ZNF285: variants seen among roughly 807,000 people sequenced by gnomAD.
ZNF285 encodes the protein zinc finger protein 285, also known as zinc finger protein 285A.
ZNF285 carries 4 observed loss-of-function variants against 6.2 expected under a neutral mutation model. The observed-to-expected ratio is 0.65, with a 90% CI of 0.32 to 1.49. ZNF285 has a LOEUF of 1.49. Among genes scored for constraint, ZNF285 ranks in the 40% most tolerant of loss-of-function variants. The pLI is 0.07. For missense variants in ZNF285, 695 were observed against 708.8 expected (o/e 0.98, Z 0.22); for synonymous variants, 240 against 245.8 (o/e 0.98, Z 0.22).
chr19:44,394,869 C>A (rs1159970992), intron 2 of ZNF285, among the ~76,000 whole-genome samples: 2 of 152,176 alleles, frequency 1.3e-5, no homozygotes, highest in African/African-American at 4.8e-5. Flanking sequence ...CTCAGTAACA[C>A]TACTGTATGC....
In ZNF285 at chr19:44,384,044, G is replaced by A. The variant is rs1971036046; in HGVS notation, c.*2428C>T. 1 of 152,142 alleles carries A rather than the reference G, an allele frequency of 6.6e-6. No homozygotes were observed. The highest frequency in any genetic ancestry group is 2.4e-5 in the African/African-American group (1 of 41,434). The allele number at this position is 152,142 out of a possible 1,614,324, so 9.4% of individuals were successfully genotyped here. A position where few individuals can be genotyped will look rare whatever the true frequency, so the allele number is the denominator to read the frequency against. ...GTTGCACCCATTCTAAACCCCAAAAGCTTCCTAGGATAATGTGTATCCCGG... is the reference window on the plus strand; with the variant it reads ...GTTGCACCCATTCTAAACCCCAAAAACTTCCTAGGATAATGTGTATCCCGG... On this transcript the variant is annotated 3_prime_UTR_variant, in exon 4 of 4. Coordinates refer to ENST00000614994, the MANE Select transcript of ZNF285 (RefSeq NM_152354.6).
At chr19:44,401,009 G>A (rs1401167495) in intron 1 of ZNF285, among the ~76,000 whole-genome samples, 1 of 152,028 alleles carries the variant, frequency 6.6e-6, no homozygotes, top group Non-Finnish European at 1.5e-5. Context: ...TGCCCCAATG[G>A]AGTCAGAGCT....
In ZNF285 at chr19:44,382,324, A is replaced by AGTCTTGCC. The variant is rs1971016762; in HGVS notation, c.*4140_*4147dup. On this transcript the variant is annotated 3_prime_UTR_variant, in exon 4 of 4. Transcript: ENST00000614994. ...TTTTTTTTTTTTTTTTTTGAGACAG[A>AGTCTTGCC]GTCTTGCCCTGTCGCCTGGGCTGGA... 8.4e-6 allele frequency: 1 copy of AGTCTTGCC among 119,210 alleles called. No homozygotes were observed. The highest frequency in any genetic ancestry group is 3.2e-5 in the African/African-American group (1 of 31,524). The allele number at this position is 119,210 out of a possible 1,614,324, so 7.4% of individuals were successfully genotyped here.
Position 44,384,188 on chromosome 19 carries a change from A to C in ZNF285, c.*2284T>G, listed in dbSNP as rs1366858372. ...ATTGTTGATGGAGCCATGTTATTCC[A>C]TTATATGGGATGCCCTAATTTACTC... On this transcript the variant is annotated 3_prime_UTR_variant, in exon 4 of 4. Transcript: ENST00000614994. The C allele has an allele frequency of 1.3e-5, 2 of 152,216 alleles. No homozygotes were observed. Among genetic ancestry groups the C allele is most frequent in the African/African-American group, 4.8e-5 (2 of 41,458 alleles). The allele number at this position is 152,216 out of a possible 1,614,324, so 9.4% of individuals were successfully genotyped here.
At chr19:44,394,584 TA>T in intron 2 of ZNF285, 3 of 572,532 alleles carry the variant, frequency 5.2e-6, no homozygotes, top group Non-Finnish European at 3.0e-6. Context: ...TTTAAAAAAT[TA>T]AAAAAACCAT....
At chr19:44,394,211 T>C (rs1044697711) in intron 2 of ZNF285, among the ~76,000 whole-genome samples, 2 of 150,956 alleles carry the variant, frequency 1.3e-5, no homozygotes, top group East Asian at 2.0e-4. Context: ...AATTGAACAA[T>C]GAGAATACAT....
Position 44,387,375 on chromosome 19 carries a change from G to A in ZNF285, c.870C>T (p.Phe290=), listed in dbSNP as rs1228033030. Reference sequence around the variant, plus strand: ...GTTTGCAGCCCATAGGCCATTCGTGGAATTCATAGGGAGTCTTGCCAGAGT... The same window carrying A: ...GTTTGCAGCCCATAGGCCATTCGTGAAATTCATAGGGAGTCTTGCCAGAGT... ...KTHSGKTPYE[F]HEWPMGCKQS... The change falls in exon 4 of 4, where the codon TTC becomes TTT. Residue 290 remains phenylalanine, a synonymous_variant. Coordinates refer to ENST00000614994, the MANE Select transcript of ZNF285 (RefSeq NM_152354.6). 3.1e-6 allele frequency: 5 copies of A among 1,614,016 alleles called. No individual in the cohort carries two copies. Among genetic ancestry groups the A allele is most frequent in the Non-Finnish European group, 4.2e-6 (5 of 1,180,030 alleles).
At chr19:44,388,158 T>C in intron 3 of ZNF285, 56 bp from the exon 4 acceptor site, 1 of 1,523,120 alleles carries the variant, frequency 6.6e-7, no homozygotes, top group Non-Finnish European at 8.9e-7. Context: ...CATCCAGAGG[T>C]TTTGAGAAAA....
rs374475307 is a variant in ZNF285 at position 44,396,815 on chromosome 19, T to G, written c.15+384A>C. 5.1e-3 allele frequency: 1,097 copies of G among 214,060 alleles called. 15 individuals are homozygous for G. Among genetic ancestry groups the G allele is most frequent in the African/African-American group, 0.023 (994 of 43,708 alleles). 13.3% of individuals were successfully genotyped at this position (214,060 alleles called of 1,614,324 possible). On this transcript the variant is annotated intron_variant, in intron 2 of 3. Coordinates refer to ENST00000614994, the MANE Select transcript of ZNF285 (RefSeq NM_152354.6). ...CATTCAAATCTTGCTACTTATTGAA[T>G]GAGGCCAGTCACATTTAGAGTATGG...
intron 2 of ZNF285, among the ~76,000 whole-genome samples, chr19:44,395,831 A>C (rs572332000): frequency 6.6e-6 from 1 of 152,224 alleles, no homozygotes; most frequent in African/African-American, 2.4e-5. Flanking sequence ...TCACATGTCC[A>C]CTTGCTCTCT....
intron 1 of ZNF285, among the ~76,000 whole-genome samples, chr19:44,399,986 G>C (rs1317988597): frequency 5.3e-5 from 8 of 150,664 alleles, no homozygotes; most frequent in African/African-American, 7.4e-5. Context: ...CCTGCAGAGA[G>C]AGAACTGGGG....
In ZNF285 at chr19:44,383,216, A is replaced by G. The variant is rs2123250887; in HGVS notation, c.*3256T>C. 6.6e-6 allele frequency: 1 copy of G among 152,312 alleles called. No homozygotes were observed. The highest frequency in any genetic ancestry group is 1.9e-4 in the East Asian group (1 of 5,190). The allele number at this position is 152,312 out of a possible 1,614,324, so 9.4% of individuals were successfully genotyped here. On this transcript the variant is annotated 3_prime_UTR_variant, in exon 4 of 4. Coordinates refer to ENST00000614994, the MANE Select transcript of ZNF285 (RefSeq NM_152354.6). ...AATAACATTATTCTCTAGCATAAAA[A>G]TAGTATCTTCCTTTTCCTTCCAATG...
chr19:44,387,218 G>T lies in ZNF285; in HGVS notation c.1027C>A (p.Pro343Thr). Residue 343 changes from proline to threonine, a missense_variant, in exon 4 of 4, where the codon CCC (proline) becomes ACC (threonine). Transcript: ENST00000614994. The part of the protein sequence containing the change: ...NHHRVHTGEM[P>T]YKCDECGKGF... ...TTCCCACATTCATCGCATTTGTAGGGCATCTCCCCTGTGTGGACTCGATGA... is the reference window on the plus strand; with the variant it reads ...TTCCCACATTCATCGCATTTGTAGGTCATCTCCCCTGTGTGGACTCGATGA... 1 of 1,614,148 alleles carries T rather than the reference G, an allele frequency of 6.2e-7. No homozygotes were observed. Among genetic ancestry groups the T allele is most frequent in the Non-Finnish European group, 8.5e-7 (1 of 1,180,020 alleles).
chr19:44,387,939 T>C lies in ZNF285; in HGVS notation c.306A>G (p.Leu102=), dbSNP rs1971124635. 1.2e-6 allele frequency: 2 copies of C among 1,614,146 alleles called. No individual in the cohort carries two copies. The highest frequency in any genetic ancestry group is 2.7e-5 in the African/African-American group (2 of 75,060). ...VNLQEECSPH[L]EDVSLSEEWA... is the part of the protein sequence containing the mutation. ...ACTCTTCACTGAGGGAAACATCTTC[T>C]AAATGTGGGGAACACTCTTCTTGAA... The change falls in exon 4 of 4, where the codon TTA becomes TTG. Residue 102 remains leucine (L), a synonymous_variant. Coordinates refer to ENST00000614994, the MANE Select transcript of ZNF285 (RefSeq NM_152354.6).
At chr19:44,390,598 G>A (rs1971176835) in intron 3 of ZNF285, among the ~76,000 whole-genome samples, 2 of 152,144 alleles carry the variant, frequency 1.3e-5, no homozygotes, top group South Asian at 4.1e-4. Context: ...TTGAGTTAAT[G>A]CTGAAATGAG....
chr19:44,396,674 C>T (rs2571136), intron 2 of ZNF285: 49,899 of 152,944 alleles, frequency 0.33, 11,564 homozygotes, highest in East Asian at 0.75. Context: ...CCTGTGGATT[C>T]TGGACTTGCC....
chr19:44,397,832 T>C (rs1163539228), intron 1 of ZNF285, among the ~76,000 whole-genome samples: 2 of 150,068 alleles, frequency 1.3e-5, no homozygotes, highest in Non-Finnish European at 2.9e-5. Flanking sequence ...GAGCTGTGAT[T>C]GCACCACTGC....
chr19:44,390,374 A>C (rs1001209464), intron 3 of ZNF285, among the ~76,000 whole-genome samples: 2 of 152,136 alleles, frequency 1.3e-5, no homozygotes, highest in Non-Finnish European at 2.9e-5. Context: ...ATCACTTTTG[A>C]CTTTTAAGAT....
Position 44,386,400 on chromosome 19 carries a change from G to T in ZNF285, c.*72C>A. The T allele has an allele frequency of 6.7e-7, 1 of 1,501,046 alleles. No homozygotes were observed. Among genetic ancestry groups the T allele is most frequent in the African/African-American group, 1.4e-5 (1 of 72,180 alleles). 93.0% of individuals were successfully genotyped at this position (1,501,046 alleles called of 1,614,324 possible). ...TTTTGCTCCCCTAGCCCTCCCACAG[G>T]CTGAGTAAGCCTCTATCATCTGGAA... On this transcript the variant is annotated 3_prime_UTR_variant, in exon 4 of 4. Coordinates refer to ENST00000614994, the MANE Select transcript of ZNF285 (RefSeq NM_152354.6).
Sources: allele counts gnomAD v4.1 joint callset (sites outside exome capture counted in the v4.1 genomes callset), GRCh38; gene constraint gnomAD v4.1.1; transcripts MANE v1.5; gene names NCBI Gene and HGNC (gene_info 2026-07-23, HGNC 2026-07-21).